NOS3: variants seen among roughly 807,000 people sequenced by gnomAD.
NOS3 encodes nitric oxide synthase 3.
A neutral mutation model predicts 144.9 loss-of-function variants in NOS3; 98 were observed. The ratio of observed to expected loss-of-function variants is 0.68; its 90% CI spans 0.57 to 0.80. NOS3 has a LOEUF of 0.80. NOS3 is among the 30% of genes least tolerant of loss of function. NOS3 has a pLI of 0.00. For synonymous variants in NOS3, 714 were observed against 702.4 expected, an observed-to-expected ratio of 1.02 and a Z score of -0.26; for missense variants, 1,465 against 1,656.4, an observed-to-expected ratio of 0.88 and a Z score of 2.01.
In NOS3 at chr7:151,010,285, C is replaced by G; in HGVS notation, c.2683C>G (p.Gln895Glu). The G allele has an allele frequency of 6.2e-7, 1 of 1,611,818 alleles. No individual in the cohort carries two copies. Among genetic ancestry groups the G allele is most frequent in the South Asian group, 1.1e-5 (1 of 90,806 alleles). ...REQQELEALS[Q>E]DPRRYEEWKW... is the part of the protein sequence containing the mutation. The stretch of plus-strand genomic sequence containing the variant: ...ACAGCAGGAGCTGGAGGCCCTCAGC[C>G]AGGTTGGGGGCCACCCCAATGAGGC... The change falls in exon 21 of 27, where the codon CAG becomes GAG. Residue 895 changes from glutamine to glutamate, a missense_variant and splice_region_variant. Gln to Glu is a conservative substitution (Grantham distance 29). Coordinates refer to ENST00000297494, the MANE Select transcript of NOS3 (RefSeq NM_000603.5).
At chr7:151,000,215 A>G (rs1472911751) in intron 9 of NOS3, among the ~76,000 whole-genome samples, 1 of 151,854 alleles carries the variant, frequency 6.6e-6, no homozygotes, top group Non-Finnish European at 1.5e-5. Context: ...TAGAGCTTTC[A>G]TCAGATTCTC....
At chr7:150,995,405 T>G (rs1182401180) in intron 3 of NOS3, 91 bp downstream of exon 3, 17 of 767,136 alleles carry the variant, frequency 2.2e-5, no homozygotes, top group Non-Finnish European at 3.7e-5. Context: ...AGCTCAACCC[T>G]TCTTTGAATT....
chr7:150,995,215 C>T lies in NOS3; in HGVS notation c.171C>T (p.Ser57=). 4 of 1,607,284 alleles carry T rather than the reference C, an allele frequency of 2.5e-6. No individual in the cohort carries two copies. The highest frequency in any genetic ancestry group is 3.4e-6 in the Non-Finnish European group (4 of 1,175,608). ...PPAPEHSPPS[S]PLTQPPEGPK... The stretch of plus-strand genomic sequence containing the variant: ...TGGCTCCCAACAGCCCCCCGAGCTC[C>T]CCGCTAACCCAGCCCCCAGAGGGGC... The change falls in exon 3 of 27, where the codon TCC becomes TCT. Residue 57 remains serine (S), a synonymous_variant. Transcript: ENST00000297494.
intron 15 of NOS3, 28 bp downstream of exon 15, chr7:151,006,522 T>C: frequency 6.3e-7 from 1 of 1,583,252 alleles, no homozygotes; most frequent in Non-Finnish European, 8.7e-7. Context: ...TTGGGGGAGC[T>C]GGGGGAGCTG....
chr7:151,012,815 C>T (rs369531352), intron 24 of NOS3: 1 of 338,198 alleles, frequency 3.0e-6, no homozygotes, highest in African/African-American at 2.1e-5. Flanking sequence ...CCTAAGGATG[C>T]TACAAGGTGT....
In NOS3 at chr7:151,014,197, C is replaced by T; in HGVS notation, c.*28C>T. 10 of 1,578,868 alleles carry T rather than the reference C, an allele frequency of 6.3e-6. No individual in the cohort carries two copies. The highest frequency in any genetic ancestry group is 8.6e-6 in the Non-Finnish European group (10 of 1,161,072). ...GCCGCCTGGCTTTCCCTTCCAGTTC[C>T]GGGAGAGCGGCTGCCCGACTCAGGT... On this transcript the variant is annotated 3_prime_UTR_variant, in exon 27 of 27. Transcript: ENST00000297494.
chr7:151,002,213 A>T lies in NOS3; in HGVS notation c.1661A>T (p.Asp554Val). The change falls in exon 14 of 27, where the codon GAT (aspartate) becomes GTT (valine). Residue 554 changes from aspartate to valine, a missense_variant. Physicochemically the swap from Asp to Val is radical, Grantham distance 152 (BLOSUM62 -3). Around this residue, in one of 5 missense-constraint regions of NOS3, gnomAD observed 745 missense variants for 853.9 expected, o/e 0.87. Transcript: ENST00000297494. This position sits in a 1 kb window ranked among gnomAD's most constrained non-coding sequence, Gnocchi z 4.1. ...KAFDPRVLCM[D>V]EYDVVSLEHE... ...TCCCACCCACAGGTCCTGTGTATGG[A>T]TGAGTATGACGTGGTGTCCCTCGAA... The T allele has an allele frequency of 1.3e-6, 2 of 1,595,316 alleles. No individual in the cohort carries two copies. Among genetic ancestry groups the T allele is most frequent in the Non-Finnish European group, 1.7e-6 (2 of 1,170,124 alleles).
In NOS3 at chr7:150,998,852, C is replaced by A. The variant is rs1227471426; in HGVS notation, c.817-94C>A. 3 of 1,514,790 alleles carry A rather than the reference C, an allele frequency of 2.0e-6. No homozygotes were observed. The highest frequency in any genetic ancestry group is 2.7e-6 in the Non-Finnish European group (3 of 1,121,878). 93.8% of individuals were successfully genotyped at this position (1,514,790 alleles called of 1,614,324 possible). ...TCACGGAGACCCAGCCAATGAGGGA[C>A]CCTGGAGATGAAGGCAGGAGACAGT... On this transcript the variant is annotated intron_variant, in intron 7 of 26. Transcript: ENST00000297494. This position sits in a 1 kb window ranked among gnomAD's most constrained non-coding sequence, Gnocchi z 5.0.
chr7:151,009,530 C>T lies in NOS3; in HGVS notation c.2457C>T (p.Asp819=). The T allele has an allele frequency of 1.9e-6, 3 of 1,545,298 alleles. No homozygotes were observed. Among genetic ancestry groups the T allele is most frequent in the East Asian group, 4.9e-5 (2 of 40,864 alleles). ...AGGCGCTGCTGAGCCGCGTGGAGGA[C>T]CCGCCGGCGCCCACTGAGCCCGTGG... ...LVEALLSRVE[D]PPAPTEPVAV... Residue 819 remains aspartate, a synonymous_variant, in exon 20 of 27, where the codon GAC becomes GAT. Coordinates refer to ENST00000297494, the MANE Select transcript of NOS3 (RefSeq NM_000603.5).
chr7:151,001,682 C>A, intron 12 of NOS3, 65 bp downstream of exon 12: 1 of 1,559,784 alleles, frequency 6.4e-7, no homozygotes, highest in African/African-American at 1.4e-5. Flanking sequence ...CCCCACACAC[C>A]CTGGGGGACC....
intron 24 of NOS3, chr7:151,013,017 C>G (rs1012932052): frequency 1.2e-5 from 7 of 567,822 alleles, no homozygotes; most frequent in African/African-American, 1.2e-4. Context: ...CAGGGGCCAC[C>G]ACCTCACCCG....
In NOS3 at chr7:150,998,354, C is replaced by G; in HGVS notation, c.583-3C>G. 6.2e-7 allele frequency: 1 copy of G among 1,611,078 alleles called. No individual in the cohort carries two copies. Among genetic ancestry groups the G allele is most frequent in the Non-Finnish European group, 8.5e-7 (1 of 1,179,414 alleles). On this transcript the variant is annotated splice_region_variant and splice_polypyrimidine_tract_variant and intron_variant, in intron 5 of 26. Transcript: ENST00000297494. This position sits in a 1 kb window ranked among gnomAD's most constrained non-coding sequence, Gnocchi z 5.0. The stretch of plus-strand genomic sequence containing the variant: ...TCCTCTCCCGCTGCCTCGGCTGGCT[C>G]AGGTGTTCGATGCCCGGGACTGCAG...
chr7:151,001,786 C>T, intron 12 of NOS3, 35 bp from the exon 13 acceptor site: 1 of 1,612,758 alleles, frequency 6.2e-7, no homozygotes, highest in Non-Finnish European at 8.5e-7. Flanking sequence ...TGCCTCTGTG[C>T]ACCCAGGACA....
chr7:151,012,987 G>A (rs1000880377), intron 24 of NOS3: 7 of 524,668 alleles, frequency 1.3e-5, no homozygotes, highest in Admixed American at 3.7e-5. Context: ...CCGAAGCCGC[G>A]CATTCTAGCG....
At position 151,003,541 on chromosome 7, in the gene NOS3, T is replaced by C. The variant is rs1795159231; in HGVS notation, c.1752+1237T>C. 7.9e-7 allele frequency: 1 copy of C among 1,273,658 alleles called. No individual in the cohort carries two copies. Among genetic ancestry groups the C allele is most frequent in the Non-Finnish European group, 1.0e-6 (1 of 971,652 alleles). The allele number at this position is 1,273,658 out of a possible 1,614,324, so 78.9% of individuals were successfully genotyped here. A position where few individuals can be genotyped will look rare whatever the true frequency, so the allele number is the denominator to read the frequency against. The stretch of plus-strand genomic sequence containing the variant: ...AAAAATAGCACCAGCAATTGACTTT[T>C]TTTTAGCATAAAGGTGTATAGACAC... On this transcript the variant is annotated intron_variant, in intron 14 of 26. Transcript: ENST00000297494. This position sits in a 1 kb window ranked among gnomAD's most constrained non-coding sequence, Gnocchi z 4.1.
At chr7:151,000,681 AT>A in intron 10 of NOS3, 82 bp downstream of exon 10, 1 of 883,048 alleles carries the variant, frequency 1.1e-6, no homozygotes, top group Non-Finnish European at 1.8e-6. Flanking sequence ...AGAGGCAGCC[AT>A]TTAGAAACTA....
chr7:151,004,864 GTT>G (rs869302945), intron 14 of NOS3, among the ~76,000 whole-genome samples: 3 of 138,792 alleles, frequency 2.2e-5, no homozygotes, highest in Admixed American at 7.0e-5. Context: ...TTGTTTGTTT[GTT>G]TTTGTTTTTG....
At chr7:150,994,848 C>T (rs1376942532) in intron 2 of NOS3, among the ~76,000 whole-genome samples, 7 of 152,190 alleles carry the variant, frequency 4.6e-5, no homozygotes, top group Admixed American at 1.3e-4. Flanking sequence ...TGCAGGGCTT[C>T]CCTCCACTCA....
chr7:150,998,656 C>A lies in NOS3; in HGVS notation c.792C>A (p.Asp264Glu). ...AGCAGGATGGCTCTGTGCGGGGGGA[C>A]CCAGCCAACGTGGAGATCACCGAGG... ...YRQQDGSVRG[D>E]PANVEITELC... The change falls in exon 7 of 27, where the codon GAC becomes GAA. Residue 264 changes from aspartate (D) to glutamate (E), a missense_variant. Asp to Glu is a conservative substitution (Grantham distance 45). Transcript: ENST00000297494. This position sits in a 1 kb window ranked among gnomAD's most constrained non-coding sequence, Gnocchi z 5.0. 6.2e-7 allele frequency: 1 copy of A among 1,608,004 alleles called. No individual in the cohort carries two copies. The highest frequency in any genetic ancestry group is 8.5e-7 in the Non-Finnish European group (1 of 1,178,554).
Sources: allele counts gnomAD v4.1 joint callset (sites outside exome capture counted in the v4.1 genomes callset), GRCh38; gene constraint gnomAD v4.1.1; regional missense constraint gnomAD v4.1.1; non-coding constraint Gnocchi (gnomAD v3.1); transcripts MANE v1.5; gene names NCBI Gene and HGNC (gene_info 2026-07-23, HGNC 2026-07-21).